Variants in SLC24A2 observed in about 807,000 individuals in gnomAD.
SLC24A2 encodes solute carrier family 24 member 2.
SLC24A2 carries 36 observed loss-of-function variants against 62.0 expected under a neutral mutation model. That is an observed-to-expected ratio of 0.58 (90% confidence interval 0.44 to 0.77). The LOEUF is 0.77. Among genes scored for constraint, SLC24A2 ranks in the 30% least tolerant of loss-of-function variants. SLC24A2 has a pLI of 0.00. For missense variants in SLC24A2, 846 were observed against 817.9 expected (o/e 1.03, Z -0.42); for synonymous variants, 358 against 294.0 (o/e 1.22, Z -2.23).
chr9:20,285,371 C>T, the SLC24A2 span, among the ~76,000 whole-genome samples: 8 of 152,150 alleles, frequency 5.3e-5, no homozygotes, highest in Non-Finnish European at 1.0e-4. Flanking sequence ...CAGAGTGAAT[C>T]GGCAAGCTGG....
At chr9:20,082,602 T>C in the SLC24A2 span, among the ~76,000 whole-genome samples, 2 of 152,242 alleles carry the variant, frequency 1.3e-5, no homozygotes, top group African/African-American at 4.8e-5. Context: ...GCTGGCTGCC[T>C]GTCAGCAGCG....
chr9:20,217,705 C>G, the SLC24A2 span, among the ~76,000 whole-genome samples: 10 of 152,200 alleles, frequency 6.6e-5, no homozygotes, highest in African/African-American at 2.4e-4. Flanking sequence ...CTACCCAAGT[C>G]TCTCACTATA....
At chr9:19,573,655 C>T (rs1835919346) in intron 6 of SLC24A2, among the ~76,000 whole-genome samples, 186 bp from the exon 7 acceptor site, 1 of 151,822 alleles carries the variant, frequency 6.6e-6, no homozygotes, top group African/African-American at 2.4e-5. Context: ...GCGATAAGGC[C>T]CAGGGCTGAT....
At position 19,773,035 on chromosome 9, in the gene SLC24A2, T is replaced by C. The variant is rs149277887; in HGVS notation, c.930+12902A>G. On this transcript the variant is annotated intron_variant, in intron 2 of 10. Transcript: ENST00000341998. ...ACAACATGGACGAACCTTAAAAACATTACGCTAAATGAAAGCAGCCAGTGC... is the reference window on the plus strand; with the variant it reads ...ACAACATGGACGAACCTTAAAAACACTACGCTAAATGAAAGCAGCCAGTGC... Among the ~76,000 whole-genome samples, 177 of 152,272 alleles carry C rather than the reference T, an allele frequency of 1.2e-3. 1 individual carries two copies. The highest frequency in any genetic ancestry group is 4.0e-3 in the African/African-American group (166 of 41,556).
chr9:20,170,553 T>TATTTTCAA, the SLC24A2 span, among the ~76,000 whole-genome samples: 1 of 151,590 alleles, frequency 6.6e-6, no homozygotes, highest in Non-Finnish European at 1.5e-5. Context: ...GGGGGAAAAA[T>TATTTTCAA]GGGTGCAGGT....
chr9:19,709,053 T>G (rs1820627617), intron 2 of SLC24A2, among the ~76,000 whole-genome samples: 1 of 151,680 alleles, frequency 6.6e-6, no homozygotes, highest in Non-Finnish European at 1.5e-5. Flanking sequence ...TCAAACAAAT[T>G]TACAAGAAAA....
chr9:19,576,614 G>C (rs957555470), intron 6 of SLC24A2, among the ~76,000 whole-genome samples: 2 of 152,210 alleles, frequency 1.3e-5, no homozygotes, highest in African/African-American at 4.8e-5. Flanking sequence ...TGTTTATGTG[G>C]AATCCCTGAA....
At chr9:19,804,298 T>G in the SLC24A2 span, among the ~76,000 whole-genome samples, 1 of 152,164 alleles carries the variant, frequency 6.6e-6, no homozygotes, top group Non-Finnish European at 1.5e-5. Context: ...TTTAATTTCT[T>G]TCAAAAATGT....
rs1381155558 is a variant in SLC24A2, at chr9:19,654,458, TG to T, written c.931-32160del. ...CATGGTTTTCTCCTCAACTGGTTAGTGGCACCACTTCTCTGCCCATTCGATT... is the reference window on the plus strand; with the variant it reads ...CATGGTTTTCTCCTCAACTGGTTAGTGCACCACTTCTCTGCCCATTCGATT... On this transcript the variant is annotated intron_variant, in intron 2 of 10. Coordinates refer to ENST00000341998, the MANE Select transcript of SLC24A2 (RefSeq NM_020344.4). Among the ~76,000 whole-genome samples the T allele has an allele frequency of 2.6e-5, 4 of 152,296 alleles. No homozygotes were observed. The East Asian group carries it at 7.7e-4, about 29-fold the overall frequency.
At position 19,647,836 on chromosome 9, in the gene SLC24A2, G is replaced by C. The variant is rs181619145; in HGVS notation, c.931-25537C>G. On this transcript the variant is annotated intron_variant, in intron 2 of 10. Coordinates refer to ENST00000341998, the MANE Select transcript of SLC24A2 (RefSeq NM_020344.4). The stretch of plus-strand genomic sequence containing the variant: ...TACTTGATTTCACAAGCAGCACAAA[G>C]AGAAGGCCTGCAATAAACAAGGTTA... Among the ~76,000 whole-genome samples, 13 of 152,288 alleles carry C rather than the reference G, an allele frequency of 8.5e-5. No individual in the cohort carries two copies. In the East Asian group the frequency reaches 2.5e-3, roughly 29 times the overall value.
At chr9:20,155,403 G>T in the SLC24A2 span, among the ~76,000 whole-genome samples, 1 of 151,588 alleles carries the variant, frequency 6.6e-6, no homozygotes, top group African/African-American at 2.4e-5. Flanking sequence ...TCTTCCCTTG[G>T]CTGAATTTAT....
intron 2 of SLC24A2, among the ~76,000 whole-genome samples, chr9:19,779,775 G>C (rs185348835): frequency 4.6e-5 from 7 of 152,332 alleles, no homozygotes; most frequent in East Asian, 1.9e-4. Context: ...AAAACATCAA[G>C]GTAGGCGGGC....
At chr9:19,613,680 A>G (rs973160056) in intron 4 of SLC24A2, among the ~76,000 whole-genome samples, 1 of 152,176 alleles carries the variant, frequency 6.6e-6, no homozygotes, top group African/African-American at 2.4e-5. Context: ...CAATAATAAT[A>G]AAATCCATCC....
chr9:19,595,562 C>G (rs1836682483), intron 5 of SLC24A2, among the ~76,000 whole-genome samples: 1 of 152,166 alleles, frequency 6.6e-6, no homozygotes. Flanking sequence ...ACTGTGTTTT[C>G]CTGCTTCCAA....
At chr9:19,671,622 T>C (rs1467235263) in intron 2 of SLC24A2, among the ~76,000 whole-genome samples, 1 of 152,198 alleles carries the variant, frequency 6.6e-6, no homozygotes, top group East Asian at 1.9e-4. Context: ...TGGGCATCCT[T>C]GTCTTGTTCT....
At chr9:19,851,023 A>T in the SLC24A2 span, among the ~76,000 whole-genome samples, 18 of 55,584 alleles carry the variant, frequency 3.2e-4, no homozygotes, top group South Asian at 8.7e-4. Context: ...ATATATATAT[A>T]CATATTTTTT....
chr9:19,968,146 T>C, the SLC24A2 span, among the ~76,000 whole-genome samples: 1 of 152,168 alleles, frequency 6.6e-6, no homozygotes, highest in South Asian at 2.1e-4. Flanking sequence ...ATAAAGCACT[T>C]TGAACAGAGC....
intron 5 of SLC24A2, among the ~76,000 whole-genome samples, chr9:19,578,688 A>G (rs1836110545): frequency 2.0e-5 from 3 of 152,102 alleles, no homozygotes. Context: ...AGCATGGCAG[A>G]TTGGCACCCA....
the SLC24A2 span, among the ~76,000 whole-genome samples, chr9:19,948,976 T>A: frequency 1.3e-5 from 2 of 152,024 alleles, no homozygotes; most frequent in Non-Finnish European, 2.9e-5. Flanking sequence ...GCTCCCCACC[T>A]TCCATTTATT....
Sources: gnomAD v4.1 joint callset for allele counts (sites outside exome capture counted in the v4.1 genomes callset) on GRCh38, gnomAD v4.1.1 for gene constraint, MANE v1.5 for transcripts, NCBI Gene and HGNC (gene_info 2026-07-23, HGNC 2026-07-21) for gene names.